The following COMMD10 variants were observed in gnomAD, a reference collection of about 807,000 sequenced individuals.
COMMD10 encodes the protein COMM domain-containing protein 10.
In COMMD10, 33 loss-of-function variants were observed where a neutral mutation model predicts 28.9. The ratio of observed to expected loss-of-function variants is 1.14; its 90% CI spans 0.87 to 1.53. The LOEUF is 1.53. Ranked by LOEUF, COMMD10 falls within the 40% of genes most tolerant of loss-of-function variation. The pLI is 0.00. For missense variants in COMMD10, 310 were observed against 233.4 expected (o/e 1.33, Z -2.14); for synonymous variants, 110 against 81.7 (o/e 1.35, Z -1.87).
intron 5 of COMMD10, among the ~76,000 whole-genome samples, chr5:116,271,548 A>C (rs1469713142): frequency 1.3e-5 from 2 of 151,640 alleles, no homozygotes; most frequent in East Asian, 1.9e-4. Context: ...CCAGACTGAG[A>C]GCATGACGAC....
chr5:116,292,261 A>G (rs954494970), intron 6 of COMMD10, among the ~76,000 whole-genome samples, 190 bp from the exon 7 acceptor site: 2 of 152,150 alleles, frequency 1.3e-5, no homozygotes, highest in South Asian at 4.1e-4. Context: ...ATTTTCAAGC[A>G]CAAATTCTAA....
intron 5 of COMMD10, among the ~76,000 whole-genome samples, chr5:116,211,998 T>G (rs1748979061): frequency 6.6e-6 from 1 of 152,164 alleles, no homozygotes; most frequent in African/African-American, 2.4e-5. Context: ...CCTGCTTCTT[T>G]GTGTTGATTA....
intron 5 of COMMD10, among the ~76,000 whole-genome samples, chr5:116,168,231 A>C (rs949436785): frequency 6.6e-6 from 1 of 152,034 alleles, no homozygotes; most frequent in Non-Finnish European, 1.5e-5. Context: ...AGATCAAAAA[A>C]GACAAAGAAG....
chr5:116,130,405 C>A (rs11241365), intron 4 of COMMD10, among the ~76,000 whole-genome samples: 76,249 of 151,578 alleles, frequency 0.5, 21,746 homozygotes, highest in Non-Finnish European at 0.65. Context: ...TTTCTGTTAT[C>A]CGGGGACTGA....
At position 116,087,359 on chromosome 5, in the gene COMMD10, C is replaced by T. The variant is rs532488340; in HGVS notation, c.42-138C>T. 817 of 588,374 alleles carry T rather than the reference C, an allele frequency of 1.4e-3. 3 individuals carry two copies. The highest frequency in any genetic ancestry group is 1.7e-3 in the Non-Finnish European group (577 of 330,890). 36.4% of individuals were successfully genotyped at this position (588,374 alleles called of 1,614,324 possible). A position where few individuals can be genotyped will look rare whatever the true frequency, so the allele number is the denominator to read the frequency against. On this transcript the variant is annotated intron_variant, in intron 1 of 6. Coordinates refer to ENST00000274458, the MANE Select transcript of COMMD10 (RefSeq NM_016144.4). The stretch of plus-strand genomic sequence containing the variant: ...CCCGTTGCCCTGCCTTTTTTGCTGG[C>T]TGTCATCTGTTTTTATTTCACTCAG...
intron 4 of COMMD10, among the ~76,000 whole-genome samples, chr5:116,103,420 T>C (rs1326704075): frequency 6.6e-6 from 1 of 152,238 alleles, no homozygotes; most frequent in Non-Finnish European, 1.5e-5. Flanking sequence ...TAATGACCAG[T>C]GGTGATGAGC....
chr5:116,235,171 G>C (rs1749629557), intron 5 of COMMD10, among the ~76,000 whole-genome samples: 1 of 152,144 alleles, frequency 6.6e-6, no homozygotes, highest in African/African-American at 2.4e-5. Flanking sequence ...CAATTGAGAA[G>C]AGAGAGTGTG....
Position 116,085,025 on chromosome 5 carries a change from A to C in COMMD10, c.-28A>C. ...ATTGGCTGGGTTCGGCGCAGCTAAC[A>C]GACGGCGGCAGTGCGAGAAAGCCGA... On this transcript the variant is annotated 5_prime_UTR_variant, in exon 1 of 7. Coordinates refer to ENST00000274458, the MANE Select transcript of COMMD10 (RefSeq NM_016144.4). 1.2e-6 allele frequency: 2 copies of C among 1,600,916 alleles called. No individual in the cohort carries two copies. The highest frequency in any genetic ancestry group is 2.3e-5 in the South Asian group (2 of 88,674).
intron 5 of COMMD10, among the ~76,000 whole-genome samples, chr5:116,217,166 C>T (rs1749126122): frequency 1.3e-5 from 2 of 151,048 alleles, no homozygotes; most frequent in East Asian, 1.9e-4. Context: ...AAAAAGTCCC[C>T]GCAATCCCAC....
intron 5 of COMMD10, among the ~76,000 whole-genome samples, chr5:116,235,276 C>T (rs1467956192): frequency 6.6e-6 from 1 of 152,100 alleles, no homozygotes; most frequent in Non-Finnish European, 1.5e-5. Flanking sequence ...GTTTTTGGTC[C>T]TACAGGATTC....
chr5:116,151,761 G>T (rs997461270), intron 5 of COMMD10, among the ~76,000 whole-genome samples: 1 of 151,892 alleles, frequency 6.6e-6, no homozygotes, highest in African/African-American at 2.4e-5. Context: ...TTCTTTATTA[G>T]TCTTGCTAAT....
chr5:116,250,488 A>G (rs759982470), intron 5 of COMMD10, among the ~76,000 whole-genome samples: 5 of 151,646 alleles, frequency 3.3e-5, no homozygotes, highest in Admixed American at 2.0e-4. Flanking sequence ...AGGAAAAAAA[A>G]TTCTATTTGA....
chr5:116,201,679 C>A (rs1042084042), intron 5 of COMMD10, among the ~76,000 whole-genome samples: 1 of 152,022 alleles, frequency 6.6e-6, no homozygotes, highest in Non-Finnish European at 1.5e-5. Context: ...ACATGCCAGA[C>A]CAGAAACCAG....
At chr5:116,250,428 A>G (rs562324634) in intron 5 of COMMD10, among the ~76,000 whole-genome samples, 1 of 151,676 alleles carries the variant, frequency 6.6e-6, no homozygotes, top group African/African-American at 2.4e-5. Context: ...TACAGAGACA[A>G]GATTTTTATA....
At chr5:116,116,750 C>T (rs577110367) in intron 4 of COMMD10, among the ~76,000 whole-genome samples, 15 of 140,950 alleles carry the variant, frequency 1.1e-4, no homozygotes, top group Admixed American at 2.3e-4. Context: ...CTCGCTCTGT[C>T]GCCCAGGCCG....
chr5:116,210,179 T>C (rs1206960958), intron 5 of COMMD10, among the ~76,000 whole-genome samples: 1 of 152,170 alleles, frequency 6.6e-6, no homozygotes, highest in Non-Finnish European at 1.5e-5. Context: ...CCACCTGACC[T>C]AATCACCTCC....
chr5:116,174,850 ATTTT>A (rs1753449709), intron 5 of COMMD10, among the ~76,000 whole-genome samples: 1 of 152,166 alleles, frequency 6.6e-6, no homozygotes, highest in Middle Eastern at 3.2e-3. Context: ...AATGTGTCCT[ATTTT>A]AACTTCTCTA....
At chr5:116,154,987 A>G (rs1250078105) in intron 5 of COMMD10, among the ~76,000 whole-genome samples, 1 of 152,084 alleles carries the variant, frequency 6.6e-6, no homozygotes, top group African/African-American at 2.4e-5. Flanking sequence ...TTTCTTTAGC[A>G]GTTTTGTTGG....
intron 4 of COMMD10, among the ~76,000 whole-genome samples, chr5:116,093,439 G>A (rs1397629457): frequency 3.3e-5 from 5 of 152,180 alleles, no homozygotes; most frequent in Non-Finnish European, 4.4e-5. Context: ...TGGAGTTGGG[G>A]TAAGTGAGAG....
Sources: gnomAD v4.1 joint callset for allele counts (sites outside exome capture counted in the v4.1 genomes callset) on GRCh38, gnomAD v4.1.1 for gene constraint, MANE v1.5 for transcripts, NCBI Gene and HGNC (gene_info 2026-07-23, HGNC 2026-07-21) for gene names.